SLC4A1AP: variants seen among roughly 807,000 people sequenced by gnomAD.
SLC4A1AP encodes kanadaptin.
Under a neutral mutation model 89.7 loss-of-function variants are expected in SLC4A1AP, and 64 were observed. The observed-to-expected ratio is 0.71, with a 90% confidence interval of 0.58 to 0.88. The LOEUF is 0.88. SLC4A1AP is among the 40% of genes least tolerant of loss of function. The pLI, the probability that SLC4A1AP is intolerant of heterozygous loss-of-function variation, is 0.00. For missense variants in SLC4A1AP, 931 were observed against 965.0 expected (o/e 0.96, Z 0.47); for synonymous variants, 366 against 353.3 (o/e 1.04, Z -0.40).
Position 27,693,614 on chromosome 2 carries a change from A to G in SLC4A1AP, c.2272-71A>G, listed in dbSNP as rs547330117. The stretch of plus-strand genomic sequence containing the variant: ...TAAGGAGGCTAACAATAGGACCCCA[A>G]TCCCTTCTGCAGTTGTAAGGTTTCT... On this transcript the variant is annotated intron_variant, in intron 12 of 13. Coordinates refer to ENST00000613058, the Ensembl canonical transcript of SLC4A1AP. 1,227 of 1,248,034 alleles carry G rather than the reference A, an allele frequency of 9.8e-4. 3 individuals are homozygous for G. Among genetic ancestry groups the G allele is most frequent in the African/African-American group, 1.2e-3 (81 of 66,846 alleles). 77.3% of individuals were successfully genotyped at this position (1,248,034 alleles called of 1,614,324 possible).
chr2:27,689,312 C>A (rs1675753116), intron 12 of SLC4A1AP, among the ~76,000 whole-genome samples: 1 of 152,092 alleles, frequency 6.6e-6, no homozygotes, highest in African/African-American at 2.4e-5. Context: ...AGTAAGCTCC[C>A]AGAAGTGCTA....
At chr2:27,675,255 A>G (rs1675498473) in intron 5 of SLC4A1AP, among the ~76,000 whole-genome samples, 1 of 152,162 alleles carries the variant, frequency 6.6e-6, no homozygotes, top group African/African-American at 2.4e-5. Flanking sequence ...CCTCCTTCCC[A>G]GCCTCTGGCA....
rs764357301 is a variant in SLC4A1AP, at chr2:27,664,543, G to A, written c.791G>A (p.Arg264His). The change falls in exon 1 of 14, where the codon CGC becomes CAC. Residue 264 changes from arginine (R) to histidine (H), a missense_variant. Arg to His is a conservative substitution (Grantham distance 29). Coordinates refer to ENST00000613058, the Ensembl canonical transcript of SLC4A1AP. The stretch of plus-strand genomic sequence containing the variant: ...CGAGTCCACGTTGGGCATGTTGTTC[G>A]CTTTGGAGGCAGCACCCGGCTCTTT... 210 of 1,612,970 alleles carry A rather than the reference G, an allele frequency of 1.3e-4. No homozygotes were observed. The highest frequency in any genetic ancestry group is 1.7e-4 in the Non-Finnish European group (202 of 1,179,182).
intron 5 of SLC4A1AP, among the ~76,000 whole-genome samples, chr2:27,674,529 G>C (rs1675481963): frequency 6.6e-6 from 1 of 151,610 alleles, no homozygotes; most frequent in Non-Finnish European, 1.5e-5. Context: ...ATCTTTTTAT[G>C]TTTTTCTAGT....
At position 27,663,953 on chromosome 2, in the gene SLC4A1AP, G is replaced by T. The variant is rs58106741; in HGVS notation, c.201G>T (p.Ser67=). The change falls in exon 1 of 14, where the codon TCG becomes TCT. Residue 67 remains serine (S), a synonymous_variant. Coordinates refer to ENST00000613058, the Ensembl canonical transcript of SLC4A1AP. ...TCTCTCAGTCAGAGACCCTGGCGTC[G>T]CAAGACCTCAGTGGGGACTTCAAGA... The T allele has an allele frequency of 0.016, 25,385 of 1,614,124 alleles. 1,337 individuals carry two copies. The African/African-American group carries it at 0.18, about 12-fold the overall frequency.
At chr2:27,666,871 ATT>A (rs61280972) in intron 2 of SLC4A1AP, among the ~76,000 whole-genome samples, 108,232 of 134,570 alleles carry the variant, frequency 0.8, 41,952 homozygotes, top group East Asian at 0.97. Flanking sequence ...ATATATATAT[ATT>A]TTTTTTTTTT....
exon 10 of SLC4A1AP, chr2:27,685,258 T>G: frequency 6.2e-7 from 1 of 1,610,102 alleles, no homozygotes; most frequent in Non-Finnish European, 8.5e-7. Context: ...TCACACATTT[T>G]AAAGAAACCC....
chr2:27,689,514 C>G lies in SLC4A1AP; in HGVS notation c.2271+747C>G, dbSNP rs144569814. Among the ~76,000 whole-genome samples the G allele has an allele frequency of 4.3e-3, 656 of 152,274 alleles. 1 individual carries two copies. The highest frequency in any genetic ancestry group is 0.01 in the Middle Eastern group (3 of 294). ...TGGCACAGGCTTCCAAGGATGTCTT[C>G]CAGTAGAGTCACACAGGACATGCTT... is the stretch of plus-strand genomic sequence containing the variant. On this transcript the variant is annotated intron_variant, in intron 12 of 13. Transcript: ENST00000613058.
At chr2:27,677,991 C>A in intron 8 of SLC4A1AP, 67 bp downstream of exon 8, 1 of 1,013,966 alleles carries the variant, frequency 9.9e-7, no homozygotes, top group Non-Finnish European at 1.4e-6. Context: ...TCAATTATCG[C>A]TTTATCTTCT....
chr2:27,667,723 T>A (rs184783118), intron 3 of SLC4A1AP, among the ~76,000 whole-genome samples: 1 of 152,240 alleles, frequency 6.6e-6, no homozygotes, highest in Non-Finnish European at 1.5e-5. Context: ...GTTTTTTAAT[T>A]CCGAATTCAC....
At chr2:27,663,920 T>C (rs759121612) in exon 1 of SLC4A1AP, 7 of 1,614,124 alleles carry the variant, frequency 4.3e-6, no homozygotes, top group African/African-American at 4.0e-5. Flanking sequence ...TGAGGATGGC[T>C]GACATTCTCT....
Position 27,669,376 on chromosome 2 carries a change from G to A in SLC4A1AP, c.1334G>A (p.Arg445Gln), listed in dbSNP as rs757583667. Reference sequence around the variant, plus strand: ...ATTCTTGACACTTTGGGATTGCTTCGGCAGGAAGCAGGTCAGTATATAGGA... The same window carrying A: ...ATTCTTGACACTTTGGGATTGCTTCAGCAGGAAGCAGGTCAGTATATAGGA... Residue 445 changes from arginine (R) to glutamine (Q), a missense_variant, in exon 5 of 14, where the codon CGG becomes CAG. By Grantham distance (43) the Arg-to-Gln change is conservative. Coordinates refer to ENST00000613058, the Ensembl canonical transcript of SLC4A1AP. The A allele has an allele frequency of 3.4e-5, 54 of 1,609,266 alleles. No homozygotes were observed. Among genetic ancestry groups the A allele is most frequent in the South Asian group, 1.0e-4 (9 of 90,036 alleles).
At chr2:27,678,147 C>T (rs559438668) in intron 8 of SLC4A1AP, among the ~76,000 whole-genome samples, 72 of 152,236 alleles carry the variant, frequency 4.7e-4, no homozygotes, top group African/African-American at 1.7e-3. Flanking sequence ...ATATTGATTT[C>T]TGATTCATTG....
intron 12 of SLC4A1AP, 114 bp downstream of exon 12, chr2:27,688,881 T>C: frequency 1.5e-6 from 1 of 689,042 alleles, no homozygotes; most frequent in Admixed American, 3.4e-5. Context: ...CTTATTCCCC[T>C]CTCCTAGAAA....
intron 8 of SLC4A1AP, among the ~76,000 whole-genome samples, chr2:27,678,800 C>G (rs1004173580): frequency 3.8e-4 from 58 of 151,220 alleles, no homozygotes; most frequent in African/African-American, 1.3e-3. Flanking sequence ...CTCACTGCAG[C>G]CTTGACCTCC....
chr2:27,664,247 C>G (rs374088179), exon 1 of SLC4A1AP: 3 of 1,614,216 alleles, frequency 1.9e-6, no homozygotes, highest in South Asian at 2.2e-5. Flanking sequence ...CTGCCACAGC[C>G]CCCTACAGCT....
chr2:27,678,904 G>A lies in SLC4A1AP; in HGVS notation c.1763+980G>A, dbSNP rs139564282. ...TGGCTAATTTTTAATTTTTTGTAGA[G>A]ATGGGGTCTTGCCATGTTGCCCAAG... On this transcript the variant is annotated intron_variant, in intron 8 of 13. Transcript: ENST00000613058. Among the ~76,000 whole-genome samples the A allele has an allele frequency of 8.4e-4, 127 of 151,994 alleles. 2 individuals are homozygous for A. The East Asian group carries it at 0.025, about 30-fold the overall frequency.
At chr2:27,677,057 T>G (rs1186677063) in intron 6 of SLC4A1AP, among the ~76,000 whole-genome samples, 1 of 151,962 alleles carries the variant, frequency 6.6e-6, no homozygotes, top group Non-Finnish European at 1.5e-5. Context: ...GAGAATCGCT[T>G]GAACCCGGGA....
exon 8 of SLC4A1AP, chr2:27,677,769 A>G (rs1417369809): frequency 3.1e-6 from 5 of 1,610,828 alleles, no homozygotes; most frequent in Non-Finnish European, 4.2e-6. Context: ...AGGATTCTTT[A>G]GATGCGTTCA....
Sources: gnomAD v4.1 joint callset for allele counts (sites outside exome capture counted in the v4.1 genomes callset) on GRCh38, gnomAD v4.1.1 for gene constraint, MANE v1.5 for transcripts, NCBI Gene and HGNC (gene_info 2026-07-23, HGNC 2026-07-21) for gene names.